Variants in DAPP1 observed in about 807,000 individuals in gnomAD.
DAPP1 encodes dual adapter for phosphotyrosine and 3-phosphotyrosine and 3-phosphoinositide.
DAPP1 carries 20 observed loss-of-function variants against 41.5 expected under a neutral mutation model. The ratio of observed to expected loss-of-function variants is 0.48; its 90% CI spans 0.34 to 0.70. The LOEUF (loss-of-function observed/expected upper bound fraction) is 0.70. DAPP1 is among the 30% of genes least tolerant of loss of function. The pLI, the probability that DAPP1 is intolerant of heterozygous loss-of-function variation, is 0.01. For missense variants in DAPP1, 233 were observed against 333.4 expected, an observed-to-expected ratio of 0.70 and a Z score of 2.35; for synonymous variants, 113 against 116.2, an observed-to-expected ratio of 0.97 and a Z score of 0.18.
chr4:99,822,756 T>C (rs80202120), intron 1 of DAPP1, among the ~76,000 whole-genome samples: 1,742 of 152,262 alleles, frequency 0.011, 41 homozygotes, highest in African/African-American at 0.039. Flanking sequence ...ACCATACTCT[T>C]AGATATTTTG....
intron 4 of DAPP1, among the ~76,000 whole-genome samples, chr4:99,857,062 G>C (rs1465681359): frequency 3.3e-5 from 5 of 152,222 alleles, no homozygotes; most frequent in Non-Finnish European, 7.3e-5. Context: ...ACCTTGACAA[G>C]AGACCCGTGG....
At chr4:99,863,987 GT>G (rs1724332959) in intron 7 of DAPP1, 132 bp downstream of exon 7, 1 of 622,712 alleles carries the variant, frequency 1.6e-6, no homozygotes, top group Non-Finnish European at 2.7e-6. Flanking sequence ...CATGTAAGGA[GT>G]GTTTTCAGCT....
At position 99,816,961 on chromosome 4, in the gene DAPP1, C is replaced by T. The variant is rs768550030; in HGVS notation, c.48C>T (p.Pro16=). ...LLEGKMSTQD[P]SDLWSRSDGE... Reference sequence around the variant, plus strand: ...AAGGGAAGATGAGCACCCAGGATCCCTCAGATCTGTGGAGCAGATCCGATG... The same window carrying T: ...AAGGGAAGATGAGCACCCAGGATCCTTCAGATCTGTGGAGCAGATCCGATG... The change falls in exon 1 of 9, where the codon CCC becomes CCT. Residue 16 remains proline, a synonymous_variant. Transcript: ENST00000512369. 1 of 1,608,966 alleles carries T rather than the reference C, an allele frequency of 6.2e-7. No individual in the cohort carries two copies. The highest frequency in any genetic ancestry group is 1.3e-5 in the African/African-American group (1 of 74,858).
At chr4:99,818,962 G>A (rs768231276) in intron 1 of DAPP1, among the ~76,000 whole-genome samples, 1 of 152,144 alleles carries the variant, frequency 6.6e-6, no homozygotes, top group Non-Finnish European at 1.5e-5. Context: ...GATGATCACT[G>A]CATAGAATAT....
chr4:99,840,419 A>G lies in DAPP1; in HGVS notation c.355A>G (p.Thr119Ala). ...AAATCAGCCTTTGATTGGAAGCGAG[A>G]CAGGTAAGCTATGAGCAGACACTTG... ...FANQPLIGSE[T>A]GTLMVLKHPY... The change falls in exon 3 of 9, where the codon ACA becomes GCA. Residue 119 changes from threonine (T) to alanine (A), a missense_variant. Coordinates refer to ENST00000512369, the MANE Select transcript of DAPP1 (RefSeq NM_014395.3). 2 of 1,611,578 alleles carry G rather than the reference A, an allele frequency of 1.2e-6. No individual in the cohort carries two copies. Among genetic ancestry groups the G allele is most frequent in the African/African-American group, 1.3e-5 (1 of 75,000 alleles).
chr4:99,830,734 C>T (rs1315419024), intron 1 of DAPP1, among the ~76,000 whole-genome samples: 1 of 152,174 alleles, frequency 6.6e-6, no homozygotes, highest in East Asian at 1.9e-4. Context: ...CCCCACCAGA[C>T]TTTTAATAGG....
chr4:99,816,956 G>T lies in DAPP1; in HGVS notation c.43G>T (p.Asp15Tyr). 1 of 1,609,048 alleles carries T rather than the reference G, an allele frequency of 6.2e-7. No homozygotes were observed. Among genetic ancestry groups the T allele is most frequent in the Admixed American group, 1.7e-5 (1 of 59,392 alleles). Residue 15 changes from aspartate (D) to tyrosine (Y), a missense_variant, in exon 1 of 9, where the codon GAT (aspartate) becomes TAT (tyrosine). Physicochemically the swap from Asp to Tyr is radical, Grantham distance 160. Transcript: ENST00000512369. ...ELLEGKMSTQ[D>Y]PSDLWSRSDG... ...TCTAGAAGGGAAGATGAGCACCCAG[G>T]ATCCCTCAGATCTGTGGAGCAGATC...
chr4:99,868,392 G>A lies in DAPP1; in HGVS notation c.*207G>A. On this transcript the variant is annotated 3_prime_UTR_variant, in exon 9 of 9. Coordinates refer to ENST00000512369, the MANE Select transcript of DAPP1 (RefSeq NM_014395.3). Reference sequence around the variant, plus strand: ...ATGTTGCCATCTCCTTGAGAACACTGAAGCAATCACCATTCTGATAGAAAG... The same window carrying A: ...ATGTTGCCATCTCCTTGAGAACACTAAAGCAATCACCATTCTGATAGAAAG... 1.7e-6 allele frequency: 1 copy of A among 581,688 alleles called. No homozygotes were observed. The highest frequency in any genetic ancestry group is 3.1e-6 in the Non-Finnish European group (1 of 326,046). 36.0% of individuals were successfully genotyped at this position (581,688 alleles called of 1,614,324 possible).
chr4:99,864,411 A>C (rs1724357373), intron 7 of DAPP1: 1 of 151,882 alleles, frequency 6.6e-6, no homozygotes, highest in Non-Finnish European at 1.5e-5. Flanking sequence ...GCTTTATCCT[A>C]GTCTATCCAC....
At chr4:99,837,378 T>A (rs2110144568) in intron 2 of DAPP1, among the ~76,000 whole-genome samples, 1 of 152,322 alleles carries the variant, frequency 6.6e-6, no homozygotes, top group East Asian at 1.9e-4. Context: ...TCTACAGGCC[T>A]ACTTGAAGTG....
chr4:99,870,964 T>A (rs993682353), downstream of DAPP1, among the ~76,000 whole-genome samples: 2 of 152,178 alleles, frequency 1.3e-5, no homozygotes, highest in African/African-American at 4.8e-5. Flanking sequence ...ATGAGCTTAT[T>A]GGAATGGAAC....
intron 1 of DAPP1, among the ~76,000 whole-genome samples, chr4:99,830,536 G>C (rs17029563): frequency 0.41 from 62,587 of 150,904 alleles, 13,890 homozygotes; most frequent in African/African-American, 0.61. Context: ...GCCACATATA[G>C]AGCCTCAATA....
At chr4:99,866,615 CTGAG>C (rs766004147) in intron 8 of DAPP1, 17 of 766,084 alleles carry the variant, frequency 2.2e-5, no homozygotes, top group Admixed American at 2.0e-4. Context: ...GAGGAGAAGA[CTGAG>C]TGAGTACTTA....
intron 3 of DAPP1, among the ~76,000 whole-genome samples, chr4:99,845,724 C>T (rs1233515529): frequency 2.0e-5 from 3 of 152,140 alleles, no homozygotes; most frequent in African/African-American, 7.2e-5. Flanking sequence ...ACATGAATTG[C>T]TATTTCAGAA....
intron 1 of DAPP1, among the ~76,000 whole-genome samples, chr4:99,818,468 T>G (rs1389420838): frequency 1.3e-5 from 2 of 152,228 alleles, no homozygotes; most frequent in Non-Finnish European, 2.9e-5. Flanking sequence ...TCTGGTCCTT[T>G]AGTTAAACAA....
chr4:99,857,544 G>A (rs767683558), intron 4 of DAPP1, among the ~76,000 whole-genome samples: 41 of 151,336 alleles, frequency 2.7e-4, no homozygotes, highest in East Asian at 5.8e-4. Flanking sequence ...TCTTTATTCC[G>A]TAATCTTTGA....
chr4:99,820,005 C>A (rs1053658813), intron 1 of DAPP1, among the ~76,000 whole-genome samples: 2 of 152,086 alleles, frequency 1.3e-5, no homozygotes, highest in Non-Finnish European at 2.9e-5. Context: ...AGAGTGTCAG[C>A]CTAAAATCAT....
intron 7 of DAPP1, 124 bp from the exon 8 acceptor site, chr4:99,865,910 T>TATA (rs1724409883): frequency 1.1e-5 from 1 of 89,662 alleles, no homozygotes; most frequent in African/African-American, 5.3e-5. Context: ...AATATATATA[T>TATA]ATATATATAT....
intron 7 of DAPP1, 142 bp downstream of exon 7, chr4:99,863,997 C>A: frequency 1.7e-6 from 1 of 590,282 alleles, no homozygotes; most frequent in Non-Finnish European, 2.9e-6. Flanking sequence ...GTGTTTTCAG[C>A]TGAGTGTGAC....
Sources: allele counts gnomAD v4.1 joint callset (sites outside exome capture counted in the v4.1 genomes callset), GRCh38; gene constraint gnomAD v4.1.1; transcripts MANE v1.5; gene names NCBI Gene and HGNC (gene_info 2026-07-23, HGNC 2026-07-21).